Variants in MED13L observed in about 807,000 individuals in gnomAD.
MED13L encodes mediator of RNA polymerase II transcription subunit 13-like.
Under a neutral mutation model 220.9 loss-of-function variants are expected in MED13L, and 7 were observed. The observed-to-expected ratio is 0.03, with a 90% confidence interval of 0.02 to 0.06. MED13L has a LOEUF of 0.06. MED13L is among the 10% of genes least tolerant of loss of function. The pLI is 1.00. For synonymous variants in MED13L, 1,011 were observed against 1,015.2 expected, an observed-to-expected ratio of 1.00 and a Z score of 0.08; for missense variants, 1,965 against 2,760.5, an observed-to-expected ratio of 0.71 and a Z score of 6.46.
At chr12:116,199,613 G>C (rs1331636132) in intron 2 of MED13L, among the ~76,000 whole-genome samples, 4 of 151,902 alleles carry the variant, frequency 2.6e-5, no homozygotes, top group Non-Finnish European at 5.9e-5. Flanking sequence ...TTGCCCTAAA[G>C]CACTTTCAGA....
intron 4 of MED13L, among the ~76,000 whole-genome samples, chr12:116,093,995 A>G (rs932161336): frequency 2.6e-5 from 4 of 152,202 alleles, no homozygotes; most frequent in African/African-American, 9.6e-5. Context: ...AATAATAAAA[A>G]TTCAGCTGAG....
intron 3 of MED13L, among the ~76,000 whole-genome samples, chr12:116,107,056 T>C (rs1169603172): frequency 1.3e-5 from 2 of 152,150 alleles, no homozygotes; most frequent in African/African-American, 4.8e-5. Flanking sequence ...CTTCACCATG[T>C]TACTGGTGAA....
intron 4 of MED13L, among the ~76,000 whole-genome samples, chr12:116,095,086 C>T (rs1872541536): frequency 6.6e-6 from 1 of 152,020 alleles, no homozygotes; most frequent in African/African-American, 2.4e-5. Flanking sequence ...CGCTTGAACC[C>T]GGGAGGCAGA....
At chr12:116,141,015 A>C (rs1223917513) in intron 2 of MED13L, among the ~76,000 whole-genome samples, 1 of 152,200 alleles carries the variant, frequency 6.6e-6, no homozygotes, top group Non-Finnish European at 1.5e-5. Context: ...ATTTTTTAAA[A>C]TCTGTCTCTA....
At chr12:116,167,742 A>G (rs1879385451) in intron 2 of MED13L, among the ~76,000 whole-genome samples, 1 of 152,134 alleles carries the variant, frequency 6.6e-6, no homozygotes, top group African/African-American at 2.4e-5. Context: ...GTCTTTCTTC[A>G]CCTAGATTTT....
Position 116,084,506 on chromosome 12 carries a change from A to G in MED13L, c.479+12163T>C, listed in dbSNP as rs144777071. ...CTGAAGAATTCCAGTTGAGTGTGAT[A>G]TTTCAATCGTGAAATTAAAGCCCAG... On this transcript the variant is annotated intron_variant, in intron 4 of 30. Coordinates refer to ENST00000281928, the MANE Select transcript of MED13L (RefSeq NM_015335.5). 2.4e-4 allele frequency among the ~76,000 whole-genome samples: 36 copies of G among 152,348 alleles called. No homozygotes were observed. In the East Asian group the frequency reaches 6.9e-3, roughly 29 times the overall value.
chr12:115,977,078 G>A (rs1442272922), intron 23 of MED13L, among the ~76,000 whole-genome samples: 1 of 152,178 alleles, frequency 6.6e-6, no homozygotes, highest in Non-Finnish European at 1.5e-5. Context: ...GCCTGAGCCT[G>A]GAAGGTCGAG....
chr12:116,199,844 C>T (rs1314442869), intron 2 of MED13L, among the ~76,000 whole-genome samples: 1 of 151,984 alleles, frequency 6.6e-6, no homozygotes, highest in East Asian at 1.9e-4. Context: ...CAACTAATAC[C>T]TTTATACACT....
intron 2 of MED13L, among the ~76,000 whole-genome samples, chr12:116,153,041 A>T (rs2138099888): frequency 6.6e-6 from 1 of 152,296 alleles, no homozygotes; most frequent in South Asian, 2.1e-4. Context: ...ATAAGTTACT[A>T]AACCTCTCCG....
chr12:116,027,706 C>T (rs1161640199), intron 4 of MED13L, among the ~76,000 whole-genome samples: 1 of 152,114 alleles, frequency 6.6e-6, no homozygotes, highest in African/African-American at 2.4e-5. Flanking sequence ...CCTGCTGAGA[C>T]CCTGATTTTG....
intron 4 of MED13L, among the ~76,000 whole-genome samples, chr12:116,029,538 A>G (rs967826636): frequency 2.0e-5 from 3 of 152,190 alleles, no homozygotes; most frequent in African/African-American, 7.2e-5. Context: ...AAATTACACC[A>G]AAAGTTAAAA....
chr12:115,981,426 G>C (rs529418588), intron 22 of MED13L, among the ~76,000 whole-genome samples: 1 of 152,288 alleles, frequency 6.6e-6, no homozygotes, highest in East Asian at 1.9e-4. Context: ...TTCAGTTAAA[G>C]TGACATTAAA....
chr12:116,073,352 C>T (rs16946520), intron 4 of MED13L, among the ~76,000 whole-genome samples: 9,841 of 152,168 alleles, frequency 0.065, 447 homozygotes, highest in African/African-American at 0.12. Flanking sequence ...TATTTGAGTT[C>T]CAACATGCTA....
At chr12:116,050,664 C>T (rs1024478430) in intron 4 of MED13L, among the ~76,000 whole-genome samples, 4 of 152,042 alleles carry the variant, frequency 2.6e-5, no homozygotes, top group Non-Finnish European at 5.9e-5. Context: ...TGGCCGGGCA[C>T]GGTGGCTCAT....
At chr12:116,232,688 C>A (rs572760885) in intron 2 of MED13L, among the ~76,000 whole-genome samples, 4 of 152,150 alleles carry the variant, frequency 2.6e-5, no homozygotes, top group Non-Finnish European at 5.9e-5. Flanking sequence ...AAGCAATTGG[C>A]AGTTCTGTGC....
At chr12:116,141,441 A>G (rs1034204681) in intron 2 of MED13L, among the ~76,000 whole-genome samples, 6 of 152,218 alleles carry the variant, frequency 3.9e-5, no homozygotes, top group African/African-American at 1.2e-4. Context: ...CAGTAACAAA[A>G]TATGCAAATA....
At chr12:116,012,657 A>G (rs1181666687) in intron 9 of MED13L, 140 bp downstream of exon 9, 2 of 731,414 alleles carry the variant, frequency 2.7e-6, no homozygotes, top group Non-Finnish European at 2.5e-6. Flanking sequence ...TCATCTGCAT[A>G]TAAGAAAAAA....
chr12:116,258,606 G>A lies in MED13L; in HGVS notation c.72+18454C>T, dbSNP rs545385944. ...AGCCTGGTCAACATGGTGAAACCCC[G>A]TCTCTACTAAAAATACAAAAATTAG... On this transcript the variant is annotated intron_variant, in intron 1 of 30. Transcript: ENST00000281928. 3.3e-5 allele frequency among the ~76,000 whole-genome samples: 5 copies of A among 151,946 alleles called. No homozygotes were observed. The East Asian group carries it at 5.8e-4, about 18-fold the overall frequency.
intron 1 of MED13L, among the ~76,000 whole-genome samples, chr12:116,268,388 T>G (rs887437564): frequency 6.6e-6 from 1 of 152,238 alleles, no homozygotes; most frequent in African/African-American, 2.4e-5. Context: ...AAATGTTTTT[T>G]GTCAAACCAA....
Sources: gnomAD v4.1 joint callset for allele counts (sites outside exome capture counted in the v4.1 genomes callset) on GRCh38, gnomAD v4.1.1 for gene constraint, MANE v1.5 for transcripts, NCBI Gene and HGNC (gene_info 2026-07-23, HGNC 2026-07-21) for gene names.